Variants in PTPRE observed in about 807,000 individuals in gnomAD.
The protein encoded by PTPRE is protein tyrosine phosphatase receptor type E.
PTPRE carries 51 observed loss-of-function variants against 102.0 expected under a neutral mutation model. The ratio of observed to expected loss-of-function variants is 0.50; its 90% CI spans 0.40 to 0.63. The LOEUF is 0.63. PTPRE is among the 30% of genes least tolerant of loss of function. The pLI is 0.00. For synonymous variants in PTPRE, 345 were observed against 348.2 expected (o/e 0.99, Z 0.10); for missense variants, 752 against 915.1 (o/e 0.82, Z 2.30).
rs1217270783 is a variant in PTPRE, at chr10:128,077,650, G to A, written c.1759G>A (p.Val587Met). The change falls in exon 19 of 21, where the codon GTG becomes ATG. Residue 587 changes from valine to methionine, a missense_variant. By Grantham distance (21) the Val-to-Met change is conservative. Transcript: ENST00000254667. Reference protein sequence around the residue: ...QARQEEQVRVVRQFHFHGWPE... With the variant: ...QARQEEQVRVMRQFHFHGWPE... Reference sequence around the variant, plus strand: ...CCGCCAGGAGGAGCAGGTCCGAGTAGTGCGCCAGTTTCACTTCCACGGCTG... The same window carrying A: ...CCGCCAGGAGGAGCAGGTCCGAGTAATGCGCCAGTTTCACTTCCACGGCTG... 1.9e-6 allele frequency: 3 copies of A among 1,613,316 alleles called. No individual in the cohort carries two copies. Among genetic ancestry groups the A allele is most frequent in the Non-Finnish European group, 2.5e-6 (3 of 1,179,542 alleles).
In PTPRE at chr10:127,930,267, G is replaced by T. The variant is rs192800332; in HGVS notation, c.-31+22958G>T. Among the ~76,000 whole-genome samples the T allele has an allele frequency of 4.3e-3, 651 of 151,798 alleles. 2 individuals carry two copies. The highest frequency in any genetic ancestry group is 6.3e-3 in the Non-Finnish European group (425 of 67,954). On this transcript the variant is annotated intron_variant, in intron 1 of 20. Transcript: ENST00000254667. Reference sequence around the variant, plus strand: ...CCCGAAAAAAAAAATCTGTCATCATGCACCTTTATGTCAGACCCTGTAACC... The same window carrying T: ...CCCGAAAAAAAAAATCTGTCATCATTCACCTTTATGTCAGACCCTGTAACC...
chr10:127,994,033 C>G (rs1399450787), intron 2 of PTPRE, among the ~76,000 whole-genome samples: 3 of 152,176 alleles, frequency 2.0e-5, no homozygotes, highest in Non-Finnish European at 4.4e-5. Flanking sequence ...ATTGCCCCAC[C>G]AGAGTTCCCT....
At chr10:128,031,988 A>G (rs1846798664) in intron 2 of PTPRE, among the ~76,000 whole-genome samples, 2 of 152,018 alleles carry the variant, frequency 1.3e-5, no homozygotes, top group Admixed American at 6.5e-5. Flanking sequence ...CATTTGCTCC[A>G]TATTTTTCAT....
At position 127,907,342 on chromosome 10, in the gene PTPRE, C is replaced by T. The variant is rs1845545161; in HGVS notation, c.-31+33C>T. 2 of 984,658 alleles carry T rather than the reference C, an allele frequency of 2.0e-6. No individual in the cohort carries two copies. The highest frequency in any genetic ancestry group is 2.4e-6 in the Non-Finnish European group (2 of 829,652). 61.0% of individuals were successfully genotyped at this position (984,658 alleles called of 1,614,324 possible). ...CGCGTGCGGACAGGGACCCTGCGCCCCTGTGGGGAACTGTGCACCCCGGGA... is the reference window on the plus strand; with the variant it reads ...CGCGTGCGGACAGGGACCCTGCGCCTCTGTGGGGAACTGTGCACCCCGGGA... On this transcript the variant is annotated intron_variant, in intron 1 of 20. Coordinates refer to ENST00000254667, the MANE Select transcript of PTPRE (RefSeq NM_006504.6). The surrounding 1 kb of genome is among the most constrained non-coding windows in gnomAD (Gnocchi z 4.8).
intron 6 of PTPRE, among the ~76,000 whole-genome samples, chr10:128,054,774 G>A (rs1848816459): frequency 2.0e-5 from 3 of 152,092 alleles, no homozygotes; most frequent in African/African-American, 7.2e-5. Context: ...GACACCTGTG[G>A]GTGGCAGGTC....
chr10:127,944,406 G>A lies in PTPRE; in HGVS notation c.-31+37097G>A. Among the ~76,000 whole-genome samples the A allele has an allele frequency of 6.6e-6, 1 of 151,884 alleles. No individual in the cohort carries two copies. The stretch of plus-strand genomic sequence containing the variant: ...TATGTGGATGGATGGATGGATGGAT[G>A]GATGGATGCATGCATGGATAAGTGG... On this transcript the variant is annotated intron_variant, in intron 1 of 20. Coordinates refer to ENST00000254667, the MANE Select transcript of PTPRE (RefSeq NM_006504.6). The surrounding 1 kb of genome is among the most constrained non-coding windows in gnomAD (Gnocchi z 4.2).
Position 127,982,287 on chromosome 10 carries a change from C to T in PTPRE, c.-17C>T, listed in dbSNP as rs150961087. 7.9e-7 allele frequency: 1 copy of T among 1,269,790 alleles called. No individual in the cohort carries two copies. The highest frequency in any genetic ancestry group is 2.4e-5 in the Admixed American group (1 of 41,898). The allele number at this position is 1,269,790 out of a possible 1,614,324, so 78.7% of individuals were successfully genotyped here. The stretch of plus-strand genomic sequence containing the variant: ...TTTCTTCTTCAGACTATAGCCTTCA[C>T]TTTCCCTCGGTGAGTACAAAACTTT... On this transcript the variant is annotated 5_prime_UTR_variant, in exon 2 of 21. Transcript: ENST00000254667.
chr10:128,021,876 C>T (rs1312336717), intron 2 of PTPRE, among the ~76,000 whole-genome samples: 3 of 152,228 alleles, frequency 2.0e-5, no homozygotes, highest in African/African-American at 4.8e-5. Flanking sequence ...GGGTCAGCTT[C>T]TTTGACTCTG....
chr10:127,936,359 T>C lies in PTPRE; in HGVS notation c.-31+29050T>C, dbSNP rs143132462. Among the ~76,000 whole-genome samples, 1,131 of 152,330 alleles carry C rather than the reference T, an allele frequency of 7.4e-3. 8 individuals carry two copies. The highest frequency in any genetic ancestry group is 0.016 in the Admixed American group (241 of 15,304). On this transcript the variant is annotated intron_variant, in intron 1 of 20. Coordinates refer to ENST00000254667, the MANE Select transcript of PTPRE (RefSeq NM_006504.6). ...TGGTTTTTTTAATAAAAACATATTT[T>C]GGTACTTTGGAACTTGACATAATTT...
At chr10:127,970,952 AGC>A (rs753295082) in intron 1 of PTPRE, among the ~76,000 whole-genome samples, 34 of 152,144 alleles carry the variant, frequency 2.2e-4, no homozygotes, top group Non-Finnish European at 4.9e-4. Context: ...TGGTTGGATA[AGC>A]TTCTATGTCA....
At chr10:127,956,727 C>G (rs1294384814) in intron 1 of PTPRE, among the ~76,000 whole-genome samples, 3 of 152,184 alleles carry the variant, frequency 2.0e-5, no homozygotes, top group Admixed American at 6.5e-5. Flanking sequence ...TCCTTACCAG[C>G]ATTTGGTGTT....
At chr10:127,995,091 T>A (rs1168205880) in intron 2 of PTPRE, among the ~76,000 whole-genome samples, 1 of 152,102 alleles carries the variant, frequency 6.6e-6, no homozygotes, top group Admixed American at 6.5e-5. Flanking sequence ...CCCAGTCCCA[T>A]GGTGGTGCCT....
intron 1 of PTPRE, among the ~76,000 whole-genome samples, chr10:127,969,671 G>GA (rs531783585): frequency 6.5e-4 from 48 of 74,346 alleles, no homozygotes; most frequent in South Asian, 3.2e-3. Context: ...TGCCTAAAAA[G>GA]AAAAAAAAAA....
chr10:128,021,623 G>C (rs932124093), intron 2 of PTPRE, among the ~76,000 whole-genome samples: 1 of 152,204 alleles, frequency 6.6e-6, no homozygotes, highest in African/African-American at 2.4e-5. Flanking sequence ...AGCATAGAAT[G>C]CCCCCAAGCC....
intron 20 of PTPRE, among the ~76,000 whole-genome samples, chr10:128,081,710 T>C (rs138597550): frequency 6.6e-6 from 1 of 152,328 alleles, no homozygotes; most frequent in East Asian, 1.9e-4. Flanking sequence ...ATCAGCTGCG[T>C]GTCTTAGTAG....
intron 5 of PTPRE, among the ~76,000 whole-genome samples, 166 bp from the exon 6 acceptor site, chr10:128,049,364 G>C (rs1308280524): frequency 6.6e-6 from 1 of 152,162 alleles, no homozygotes; most frequent in Non-Finnish European, 1.5e-5. Flanking sequence ...GCGAGTGTTT[G>C]GATACAGCTG....
chr10:127,971,589 C>G (rs1302853823), intron 1 of PTPRE, among the ~76,000 whole-genome samples: 1 of 152,240 alleles, frequency 6.6e-6, no homozygotes, highest in Non-Finnish European at 1.5e-5. Context: ...AGAATGAGCA[C>G]TGGAGTAAGG....
intron 1 of PTPRE, among the ~76,000 whole-genome samples, chr10:127,968,589 G>C (rs1227103631): frequency 2.0e-5 from 3 of 152,232 alleles, no homozygotes. Context: ...AGAAAGGTTT[G>C]AGGCAATTTG....
chr10:127,949,968 G>C (rs1199626580), intron 1 of PTPRE, among the ~76,000 whole-genome samples: 2 of 151,948 alleles, frequency 1.3e-5, no homozygotes, highest in Admixed American at 1.3e-4. Flanking sequence ...ACTCTGATGG[G>C]ACTCACAGCC....
Sources: allele counts gnomAD v4.1 joint callset (sites outside exome capture counted in the v4.1 genomes callset), GRCh38; gene constraint gnomAD v4.1.1; non-coding constraint Gnocchi (gnomAD v3.1); transcripts MANE v1.5; gene names NCBI Gene and HGNC (gene_info 2026-07-23, HGNC 2026-07-21).